The following GNAI1 variants were observed in gnomAD, a reference collection of about 807,000 sequenced individuals.
GNAI1 encodes the protein guanine nucleotide-binding protein G(i) subunit alpha-1.
Under a neutral mutation model 38.9 loss-of-function variants are expected in GNAI1, and 11 were observed. That is an observed-to-expected ratio of 0.28 (90% CI 0.18 to 0.47). The LOEUF (loss-of-function observed/expected upper bound fraction) is 0.47, where lower values mean the gene tolerates loss of function less well. Ranked by LOEUF, GNAI1 falls within the 20% of genes least tolerant of loss-of-function variation. The pLI is 0.99. For missense variants in GNAI1, 317 were observed against 436.9 expected (o/e 0.73, Z 2.45); for synonymous variants, 166 against 145.1 (o/e 1.14, Z -1.04).
intron 1 of GNAI1, among the ~76,000 whole-genome samples, chr7:80,150,813 T>G (rs1438668330): frequency 6.6e-6 from 1 of 152,226 alleles, no homozygotes; most frequent in Non-Finnish European, 1.5e-5. Context: ...TTCCCAAGCC[T>G]TATTTACTCC....
Position 80,199,261 on chromosome 7 carries a change from G to A in GNAI1, c.340G>A (p.Ala114Thr). 1.2e-6 allele frequency: 2 copies of A among 1,613,066 alleles called. No homozygotes were observed. Among genetic ancestry groups the A allele is most frequent in the Non-Finnish European group, 1.7e-6 (2 of 1,179,388 alleles). Residue 114 changes from alanine (A) to threonine (T), a missense_variant, in exon 4 of 8, where the codon GCT becomes ACT. Ala to Thr is a moderately conservative substitution (Grantham distance 58, BLOSUM62 0). Coordinates refer to ENST00000649796, the MANE Select transcript of GNAI1 (RefSeq NM_002069.6). The stretch of plus-strand genomic sequence containing the variant: ...CCAACTCTTTGTGCTAGCTGGAGCT[G>A]CTGAAGAAGGCTTTATGACTGCAGA... Reference protein sequence around the residue: ...ARQLFVLAGAAEEGFMTAELA... With the variant: ...ARQLFVLAGATEEGFMTAELA...
rs1035351693 is a variant in GNAI1 at position 80,222,633 on chromosome 7, C to T, written c.*5140C>T. Among the ~76,000 whole-genome samples the T allele has an allele frequency of 1.1e-4, 16 of 151,916 alleles. No homozygotes were observed. The highest frequency in any genetic ancestry group is 2.7e-4 in the African/African-American group (11 of 41,360). Reference sequence around the variant, plus strand: ...AACTCCTGACCTCAGGTAATCCGCCCACCTCGGCCGCCCAAAGTGCTGGGA... The same window carrying T: ...AACTCCTGACCTCAGGTAATCCGCCTACCTCGGCCGCCCAAAGTGCTGGGA... On this transcript the variant is annotated 3_prime_UTR_variant, in exon 8 of 8. Transcript: ENST00000649796.
At chr7:80,176,819 C>T (rs1439335859) in intron 1 of GNAI1, among the ~76,000 whole-genome samples, 1 of 150,900 alleles carries the variant, frequency 6.6e-6, no homozygotes, top group South Asian at 2.1e-4. Flanking sequence ...GGGCTGTAAT[C>T]CCAGCTACTC....
intron 1 of GNAI1, among the ~76,000 whole-genome samples, chr7:80,151,731 A>T (rs1173801520): frequency 6.6e-6 from 1 of 152,228 alleles, no homozygotes; most frequent in African/African-American, 2.4e-5. Context: ...CTAAGTGCAG[A>T]TTTATTTAAT....
intron 1 of GNAI1, among the ~76,000 whole-genome samples, chr7:80,144,628 T>G (rs1288917150): frequency 6.6e-6 from 1 of 152,152 alleles, no homozygotes. Flanking sequence ...TATTATTCAT[T>G]TTTCTTGTTT....
intron 1 of GNAI1, among the ~76,000 whole-genome samples, chr7:80,147,782 C>T (rs1787654149): frequency 6.6e-6 from 1 of 152,196 alleles, no homozygotes; most frequent in African/African-American, 2.4e-5. Flanking sequence ...GATTAAACAG[C>T]ATGTGTTCTA....
At chr7:80,170,925 C>G (rs1788089598) in intron 1 of GNAI1, among the ~76,000 whole-genome samples, 1 of 152,166 alleles carries the variant, frequency 6.6e-6, no homozygotes, top group African/African-American at 2.4e-5. Flanking sequence ...CTAAGATAGA[C>G]ATTTTTCACA....
intron 4 of GNAI1, among the ~76,000 whole-genome samples, chr7:80,202,452 T>C (rs888462196): frequency 1.3e-5 from 2 of 152,152 alleles, no homozygotes; most frequent in Admixed American, 1.3e-4. Flanking sequence ...TAAGAGTAGC[T>C]CATTATTTTA....
chr7:80,199,614 A>G (rs1425305926), intron 4 of GNAI1, among the ~76,000 whole-genome samples: 1 of 152,198 alleles, frequency 6.6e-6, no homozygotes, highest in Non-Finnish European at 1.5e-5. Context: ...ATGTAACTCT[A>G]ATTGAAACAT....
At chr7:80,167,262 A>G (rs1416975736) in intron 1 of GNAI1, among the ~76,000 whole-genome samples, 1 of 152,226 alleles carries the variant, frequency 6.6e-6, no homozygotes, top group East Asian at 1.9e-4. Flanking sequence ...TTTCCTTGCA[A>G]TGCTCAGCAT....
chr7:80,213,957 G>C (rs1405416237), intron 7 of GNAI1, among the ~76,000 whole-genome samples: 2 of 151,844 alleles, frequency 1.3e-5, no homozygotes, highest in African/African-American at 4.8e-5. Context: ...GAAATGTTAA[G>C]ACAACCCTGT....
chr7:80,189,715 C>G (rs911256898), intron 3 of GNAI1, among the ~76,000 whole-genome samples: 5 of 152,158 alleles, frequency 3.3e-5, no homozygotes, highest in Non-Finnish European at 5.9e-5. Context: ...CTATTAAAAA[C>G]CATGTATCAA....
At chr7:80,184,574 C>G (rs377655393) in intron 1 of GNAI1, among the ~76,000 whole-genome samples, 2 of 152,222 alleles carry the variant, frequency 1.3e-5, no homozygotes, top group Non-Finnish European at 2.9e-5. Flanking sequence ...CATGCTTGAG[C>G]TCACTCACCC....
rs1788172241 is a variant in GNAI1 at position 80,175,677 on chromosome 7, T to TA, written c.119-13273dup. ...CTCTGTGTCACATTTTGGTAGTTCT[T>TA]ACAATATTTCAGATGTGATCTGGGA... On this transcript the variant is annotated intron_variant, in intron 1 of 7. Coordinates refer to ENST00000649796, the MANE Select transcript of GNAI1 (RefSeq NM_002069.6). Among the ~76,000 whole-genome samples, 3 of 152,124 alleles carry TA rather than the reference T, an allele frequency of 2.0e-5. No individual in the cohort carries two copies. The South Asian group carries it at 6.2e-4, about 32-fold the overall frequency.
rs751050803 is a variant in GNAI1, at chr7:80,189,123, G to A, written c.195G>A (p.Glu65=). The A allele has an allele frequency of 6.2e-6, 10 of 1,607,188 alleles. No individual in the cohort carries two copies. The highest frequency in any genetic ancestry group is 1.7e-5 in the Admixed American group (1 of 58,168). The part of the protein sequence containing the change: ...IIHEAGYSEE[E]CKQYKAVVYS... ...ATGAAGCTGGTTATTCAGAAGAGGA[G>A]TGTAAACAATACAAAGCAGTGGTCT... Residue 65 remains glutamate (E), a synonymous_variant, in exon 3 of 8, where the codon GAG becomes GAA. Coordinates refer to ENST00000649796, the MANE Select transcript of GNAI1 (RefSeq NM_002069.6).
intron 3 of GNAI1, among the ~76,000 whole-genome samples, chr7:80,192,373 C>T (rs1788496992): frequency 1.3e-5 from 2 of 152,116 alleles, no homozygotes; most frequent in South Asian, 2.1e-4. Flanking sequence ...TTTTGCCTAA[C>T]AGTCATTTGT....
intron 4 of GNAI1, among the ~76,000 whole-genome samples, chr7:80,200,584 A>C (rs1011029051): frequency 3.3e-5 from 5 of 152,114 alleles, no homozygotes; most frequent in African/African-American, 1.2e-4. Context: ...AGGTGAATGC[A>C]TGCACTTTGC....
intron 1 of GNAI1, among the ~76,000 whole-genome samples, chr7:80,188,267 G>A (rs1430480408): frequency 6.6e-6 from 1 of 152,072 alleles, no homozygotes; most frequent in African/African-American, 2.4e-5. Flanking sequence ...TTTCACAAGA[G>A]CCACAGGTTA....
At chr7:80,140,849 G>T (rs1002481064) in intron 1 of GNAI1, among the ~76,000 whole-genome samples, 2 of 152,194 alleles carry the variant, frequency 1.3e-5, no homozygotes, top group Non-Finnish European at 2.9e-5. Flanking sequence ...AAGTCAGGTT[G>T]TTGATAGGGC....
Sources: gnomAD v4.1 joint callset for allele counts (sites outside exome capture counted in the v4.1 genomes callset) on GRCh38, gnomAD v4.1.1 for gene constraint, MANE v1.5 for transcripts, NCBI Gene and HGNC (gene_info 2026-07-23, HGNC 2026-07-21) for gene names.